THRAP3: variants seen among roughly 807,000 people sequenced by gnomAD.
THRAP3 encodes the protein thyroid hormone receptor-associated protein 3.
A neutral mutation model predicts 101.0 loss-of-function variants in THRAP3; 16 were observed. The observed-to-expected ratio is 0.16, with a 90% CI of 0.11 to 0.24. The LOEUF (loss-of-function observed/expected upper bound fraction) is 0.24, where lower values mean the gene tolerates loss of function less well. Among genes scored for constraint, THRAP3 ranks in the 10% least tolerant of loss-of-function variants. The pLI is 1.00. For missense variants in THRAP3, 989 were observed against 1,202.7 expected, an observed-to-expected ratio of 0.82 and a Z score of 2.63; for synonymous variants, 407 against 422.6, an observed-to-expected ratio of 0.96 and a Z score of 0.45.
intron 11 of THRAP3, 22 bp from the exon 12 acceptor site, chr1:36,303,774 T>C (rs1032056176): frequency 6.2e-7 from 1 of 1,613,842 alleles, no homozygotes; most frequent in Non-Finnish European, 8.5e-7. Flanking sequence ...CTGGCACTGA[T>C]GGCAATTTTC....
chr1:36,229,479 A>T (rs1645002280), intron 1 of THRAP3, among the ~76,000 whole-genome samples: 1 of 128,364 alleles, frequency 7.8e-6, no homozygotes, highest in African/African-American at 3.0e-5. Flanking sequence ...TAGAAATTTT[A>T]GTTTCTTTTT....
At chr1:36,258,626 C>T (rs1645405627) in intron 1 of THRAP3, among the ~76,000 whole-genome samples, 1 of 152,190 alleles carries the variant, frequency 6.6e-6, no homozygotes, top group African/African-American at 2.4e-5. Context: ...CAGGTGCCTG[C>T]TGCCACGCCT....
At chr1:36,236,835 A>C (rs1158345638) in intron 1 of THRAP3, among the ~76,000 whole-genome samples, 1 of 152,220 alleles carries the variant, frequency 6.6e-6, no homozygotes, top group Admixed American at 6.6e-5. Context: ...AATTTTACTG[A>C]ACCTCTTAGC....
chr1:36,282,781 TC>T, intron 3 of THRAP3, 81 bp downstream of exon 3: 1 of 1,526,006 alleles, frequency 6.6e-7, no homozygotes, highest in African/African-American at 1.4e-5. Flanking sequence ...GTTAGACTTT[TC>T]CTGTGAGTGT....
At chr1:36,275,116 T>TACACACACAC (rs142851565) in intron 2 of THRAP3, among the ~76,000 whole-genome samples, 9 of 139,478 alleles carry the variant, frequency 6.5e-5, no homozygotes, top group African/African-American at 2.1e-4. Context: ...TACTAAAAAA[T>TACACACACAC]ACACACACAC....
chr1:36,301,231 C>T (rs1366501529), intron 10 of THRAP3, 147 bp downstream of exon 10: 2 of 876,532 alleles, frequency 2.3e-6, no homozygotes, highest in African/African-American at 3.4e-5. Flanking sequence ...TCCCACATTT[C>T]CTGGCCTTTC....
chr1:36,286,538 G>T lies in THRAP3; in HGVS notation c.308G>T (p.Gly103Val). The T allele has an allele frequency of 1.2e-6, 2 of 1,614,142 alleles. No individual in the cohort carries two copies. The highest frequency in any genetic ancestry group is 8.5e-7 in the Non-Finnish European group (1 of 1,180,020). ...FYPWGQYNRG[G>V]YGNYRSNWQN... ...CCATGGGGCCAATATAACCGAGGAG[G>T]CTATGGAAACTACCGCTCAAATTGG... Residue 103 changes from glycine (G) to valine (V), a missense_variant, in exon 4 of 12, where the codon GGC becomes GTC. Coordinates refer to ENST00000354618, the MANE Select transcript of THRAP3 (RefSeq NM_005119.4). This position sits in a 1 kb window ranked among gnomAD's most constrained non-coding sequence, Gnocchi z 5.5.
chr1:36,269,700 A>T, intron 2 of THRAP3, among the ~76,000 whole-genome samples: 1 of 152,062 alleles, frequency 6.6e-6, no homozygotes, highest in East Asian at 1.9e-4. Context: ...CCTCCCAAGT[A>T]GCTGGGACTG....
chr1:36,300,798 T>TTTTTTTG, intron 9 of THRAP3, 88 bp from the exon 10 acceptor site: 1 of 1,329,210 alleles, frequency 7.5e-7, no homozygotes, highest in South Asian at 1.3e-5. Context: ...GGCATACTTT[T>TTTTTTTG]GATTGCCCTG....
At chr1:36,258,756 G>A (rs1266166987) in intron 1 of THRAP3, among the ~76,000 whole-genome samples, 1 of 152,244 alleles carries the variant, frequency 6.6e-6, no homozygotes, top group African/African-American at 2.4e-5. Flanking sequence ...TGGGATTATA[G>A]GCGTGAGCCA....
chr1:36,237,489 G>T (rs987905969), intron 1 of THRAP3, among the ~76,000 whole-genome samples: 4 of 122,024 alleles, frequency 3.3e-5, no homozygotes, highest in East Asian at 4.4e-4. Context: ...AAAAAAAAAA[G>T]GCTGGGCGCG....
chr1:36,210,445 T>C, the THRAP3 span, among the ~76,000 whole-genome samples: 1 of 149,448 alleles, frequency 6.7e-6, no homozygotes, highest in East Asian at 2.0e-4. Flanking sequence ...TCCTAGCACT[T>C]TGGGAGGCCG....
intron 1 of THRAP3, among the ~76,000 whole-genome samples, chr1:36,253,760 A>ATTTTTTTTTTATTTTTTATTT (rs1645338003): frequency 1.0e-5 from 1 of 100,236 alleles, no homozygotes; most frequent in African/African-American, 4.2e-5. Flanking sequence ...AGTCAGGCTA[A>ATTTTTTTTTTATTTTTTATTT]TTTTTTTTTT....
chr1:36,274,076 TCACACACACACACACACA>T (rs763330875), intron 2 of THRAP3, among the ~76,000 whole-genome samples: 3,342 of 44,774 alleles, frequency 0.075, 147 homozygotes, highest in African/African-American at 0.15. Context: ...TGTGTGTGTG[TCACACACACACACACACA>T]CACACACACA....
At chr1:36,291,340 G>A (rs1294593750) in intron 5 of THRAP3, 34 bp from the exon 6 acceptor site, 2 of 1,604,010 alleles carry the variant, frequency 1.2e-6, no homozygotes, top group Non-Finnish European at 1.7e-6. Flanking sequence ...TGTGTATTGT[G>A]TTCTAATTGG....
At chr1:36,298,442 G>C (rs139655530) in intron 9 of THRAP3, among the ~76,000 whole-genome samples, 134 of 152,210 alleles carry the variant, frequency 8.8e-4, no homozygotes, top group African/African-American at 3.0e-3. Flanking sequence ...TCTGACTTGC[G>C]ATGTGACTTT....
intron 9 of THRAP3, among the ~76,000 whole-genome samples, chr1:36,299,463 A>G (rs938258346): frequency 1.3e-5 from 2 of 151,832 alleles, no homozygotes; most frequent in African/African-American, 4.8e-5. Flanking sequence ...AGACAATGCA[A>G]AGACTCAAAT....
chr1:36,233,156 CT>C (rs1441100108), intron 1 of THRAP3, among the ~76,000 whole-genome samples: 4 of 151,104 alleles, frequency 2.6e-5, no homozygotes, highest in Non-Finnish European at 4.4e-5. Context: ...GCGTGAGCCA[CT>C]GCACCTGGCC....
At chr1:36,297,983 G>GA (rs574500754) in intron 9 of THRAP3, among the ~76,000 whole-genome samples, 12,362 of 135,808 alleles carry the variant, frequency 0.091, 689 homozygotes, top group Middle Eastern at 0.23. Context: ...TGTCTCTACT[G>GA]AAAAAAAAAA....
Sources: allele counts gnomAD v4.1 joint callset (sites outside exome capture counted in the v4.1 genomes callset), GRCh38; gene constraint gnomAD v4.1.1; non-coding constraint Gnocchi (gnomAD v3.1); transcripts MANE v1.5; gene names NCBI Gene and HGNC (gene_info 2026-07-23, HGNC 2026-07-21).